SPTA1: variants seen among roughly 807,000 people sequenced by gnomAD.
SPTA1 encodes spectrin alpha, erythrocytic 1, also known as spectrin alpha chain, erythrocytic 1.
A neutral mutation model predicts 324.7 loss-of-function variants in SPTA1; 177 were observed. The observed-to-expected ratio is 0.55, with a 90% CI of 0.48 to 0.62. The LOEUF is 0.62. Ranked by LOEUF, SPTA1 falls within the 20% of genes least tolerant of loss-of-function variation. The pLI is 0.00. For synonymous variants in SPTA1, 1,195 were observed against 1,041.3 expected (o/e 1.15, Z -2.84); for missense variants, 3,162 against 2,883.6 (o/e 1.10, Z -2.21).
chr1:158,652,360 G>T, intron 23 of SPTA1, 107 bp downstream of exon 23: 2 of 1,300,910 alleles, frequency 1.5e-6, no homozygotes, highest in South Asian at 1.2e-5. Context: ...CAATAGCTTT[G>T]GGGAGAATAT....
intron 43 of SPTA1, chr1:158,622,735 C>T (rs531789807): frequency 3.3e-5 from 15 of 461,036 alleles, no homozygotes; most frequent in Non-Finnish European, 5.2e-5. Context: ...CTTGTTCCAT[C>T]CACCTCTTCC....
intron 10 of SPTA1, among the ~76,000 whole-genome samples, chr1:158,673,041 G>C (rs1452323996): frequency 6.6e-6 from 1 of 152,148 alleles, no homozygotes; most frequent in Non-Finnish European, 1.5e-5. Flanking sequence ...AGAATCACTG[G>C]AACTCGGGAG....
At chr1:158,612,442 T>C in intron 51 of SPTA1, 1 of 295,132 alleles carries the variant, frequency 3.4e-6, no homozygotes, top group Non-Finnish European at 6.5e-6. Context: ...TTTTAACTTG[T>C]AAAGTTCTGT....
At chr1:158,648,154 T>G (rs2101847408) in intron 26 of SPTA1, among the ~76,000 whole-genome samples, 1 of 152,290 alleles carries the variant, frequency 6.6e-6, no homozygotes, top group East Asian at 1.9e-4. Flanking sequence ...TGCACCATAC[T>G]CAGATATTGG....
chr1:158,678,160 C>A (rs1300450970), intron 6 of SPTA1, among the ~76,000 whole-genome samples: 4 of 152,158 alleles, frequency 2.6e-5, no homozygotes, highest in African/African-American at 9.6e-5. Flanking sequence ...CGCTTCCATT[C>A]CTAAATTACC....
rs1381126148 is a variant in SPTA1, at chr1:158,651,476, G to A, written c.3376-8C>T. On this transcript the variant is annotated splice_region_variant and splice_polypyrimidine_tract_variant and intron_variant, in intron 23 of 51. Transcript: ENST00000643759. ...CTCATTGGTATTCAAATCCTGAATG[G>A]GAAAATTCATCCAAAGCAGTGTAAA... is the stretch of plus-strand genomic sequence containing the variant. 2.5e-6 allele frequency: 4 copies of A among 1,583,260 alleles called. No individual in the cohort carries two copies. Among genetic ancestry groups the A allele is most frequent in the Non-Finnish European group, 2.6e-6 (3 of 1,152,552 alleles).
At chr1:158,617,854 G>C (rs1016273815) in intron 46 of SPTA1, among the ~76,000 whole-genome samples, 185 bp downstream of exon 46, 1 of 152,150 alleles carries the variant, frequency 6.6e-6, no homozygotes, top group Admixed American at 6.5e-5. Flanking sequence ...ATGTAGGCAA[G>C]ATTCCGTCTA....
chr1:158,639,266 T>C (rs1204609841), intron 35 of SPTA1: 2 of 320,492 alleles, frequency 6.2e-6, no homozygotes, highest in Non-Finnish European at 1.2e-5. Context: ...TTCCACTTTC[T>C]TTCAAATACC....
At chr1:158,661,722 G>T (rs1335184179) in intron 17 of SPTA1, among the ~76,000 whole-genome samples, 1 of 152,130 alleles carries the variant, frequency 6.6e-6, no homozygotes, top group East Asian at 1.9e-4. Flanking sequence ...GCACACAATT[G>T]TCTTTCAGCA....
At chr1:158,675,963 CTATAT>C (rs1268790898) in intron 8 of SPTA1, among the ~76,000 whole-genome samples, 173 bp downstream of exon 8, 1 of 152,158 alleles carries the variant, frequency 6.6e-6, no homozygotes, top group Non-Finnish European at 1.5e-5. Context: ...GGGGGTGCTA[CTATAT>C]TATATCAGTC....
chr1:158,672,836 C>T (rs1441023645), intron 10 of SPTA1, among the ~76,000 whole-genome samples: 1 of 152,042 alleles, frequency 6.6e-6, no homozygotes, highest in Non-Finnish European at 1.5e-5. Context: ...GAGATTCATG[C>T]CTGTAATGCC....
intron 15 of SPTA1, 126 bp from the exon 16 acceptor site, chr1:158,666,623 G>T: frequency 1.2e-6 from 1 of 800,464 alleles, no homozygotes; most frequent in Non-Finnish European, 2.0e-6. Context: ...AAATATAACT[G>T]TCTCACATGT....
chr1:158,653,933 TCAAAAAA>T (rs1652644201), intron 21 of SPTA1, among the ~76,000 whole-genome samples: 1 of 152,064 alleles, frequency 6.6e-6, no homozygotes, highest in African/African-American at 2.4e-5. Flanking sequence ...GCTAATTTCC[TCAAAAAA>T]TAATGAAGAG....
rs534804209 is a variant in SPTA1, at chr1:158,650,544, T to C, written c.3478-597A>G. Among the ~76,000 whole-genome samples, 30 of 152,326 alleles carry C rather than the reference T, an allele frequency of 2.0e-4. 1 individual carries two copies. The highest frequency in any genetic ancestry group is 9.1e-4 in the Admixed American group (14 of 15,302). On this transcript the variant is annotated intron_variant, in intron 24 of 51. Transcript: ENST00000643759. ...ATCAGGTCAAGAATGGCCTCTCCTC[T>C]GTCTCTACTGACCTATATTCTCCTT...
intron 40 of SPTA1, 33 bp downstream of exon 40, chr1:158,627,592 G>A (rs947302969): frequency 1.0e-5 from 16 of 1,601,892 alleles, no homozygotes; most frequent in Middle Eastern, 1.7e-4. Context: ...TTGGAGAATG[G>A]AAGTTTGAGC....
chr1:158,668,075 G>GAAAAAAAAAAAAAAAAA lies in SPTA1; in HGVS notation c.1834-14_1834-13insTTTTTTTTTTTTTTTTT, dbSNP rs3039789. 1 of 1,312,520 alleles carries GAAAAAAAAAAAAAAAAA rather than the reference G, an allele frequency of 7.6e-7. No individual in the cohort carries two copies. 81.3% of individuals were successfully genotyped at this position (1,312,520 alleles called of 1,614,324 possible). On this transcript the variant is annotated splice_polypyrimidine_tract_variant and intron_variant, in intron 14 of 51. Transcript: ENST00000643759. ...AGTTCTGTATGTCCTGAGATAAGAT[G>GAAAAAAAAAAAAAAAAA]AAAAAAAAAAAAAAAACCATTACCT... is the stretch of plus-strand genomic sequence containing the variant.
Position 158,669,408 on chromosome 1 carries a change from C to G in SPTA1, c.1833G>C (p.Lys611Asn), listed in dbSNP as rs1353835187. The change falls in exon 14 of 52, where the codon AAG becomes AAC. Residue 611 changes from lysine (K) to asparagine (N), a missense_variant and splice_region_variant. By Grantham distance (94) the Lys-to-Asn change is moderately conservative. Coordinates refer to ENST00000643759, the MANE Select transcript of SPTA1 (RefSeq NM_003126.4). ...TCCAGCTCCTGAAAACTCTGCCTAC[C>G]TTGTAATCTTCATCATCTGCCAACT... is the stretch of plus-strand genomic sequence containing the variant. ...KKKLADDEDYKDIQNLKSRVQ... is the reference protein window; with the variant it reads ...KKKLADDEDYNDIQNLKSRVQ... 1.2e-6 allele frequency: 2 copies of G among 1,613,950 alleles called. No homozygotes were observed. The highest frequency in any genetic ancestry group is 1.7e-6 in the Non-Finnish European group (2 of 1,179,950).
rs1651035327 is a variant in SPTA1, at chr1:158,635,943, C to T, written c.5402G>A (p.Trp1801Ter). 6.2e-7 allele frequency: 1 copy of T among 1,614,176 alleles called. No individual in the cohort carries two copies. Among genetic ancestry groups the T allele is most frequent in the Non-Finnish European group, 8.5e-7 (1 of 1,180,034 alleles). Reference protein sequence around the residue: ...QLRLAQFVEHWEKLKELAKAR... With the variant: ...QLRLAQFVEH ...CTTGGCCAACTCTTTGAGCTTCTCC[C>T]AGTGTTCAACAAACTGAGCCAGCCG... The change falls in exon 38 of 52, where the codon TGG becomes TAG. Residue 1801 changes from tryptophan to a stop codon, truncating the protein, a stop_gained. Transcript: ENST00000643759. LOFTEE classifies it high-confidence loss of function.
rs1433553720 is a variant in SPTA1, at chr1:158,639,635, C to T, written c.4927G>A (p.Gly1643Arg). ...KDQARDLASA[G>R]NLLKKHQLLE... ...AGCTGATGCTTCTTGAGTAGGTTTC[C>T]TGCTGAAGCCAAGTCCCTGGCCTGA... Residue 1643 changes from glycine (G) to arginine (R), a missense_variant, in exon 35 of 52, where the codon GGA (glycine) becomes AGA (arginine). Transcript: ENST00000643759. 3 of 1,613,798 alleles carry T rather than the reference C, an allele frequency of 1.9e-6. No homozygotes were observed. In the African/African-American group the frequency reaches 4.0e-5, roughly 22 times the overall value.
Sources: allele counts gnomAD v4.1 joint callset (sites outside exome capture counted in the v4.1 genomes callset), GRCh38; gene constraint gnomAD v4.1.1; transcripts MANE v1.5; gene names NCBI Gene and HGNC (gene_info 2026-07-23, HGNC 2026-07-21).